SCLT1: variants seen among roughly 807,000 people sequenced by gnomAD.
SCLT1 encodes the protein sodium channel and clathrin linker 1.
A neutral mutation model predicts 112.8 loss-of-function variants in SCLT1; 78 were observed. That is an observed-to-expected ratio of 0.69 (90% CI 0.58 to 0.83). SCLT1 has a LOEUF of 0.83. Ranked by LOEUF, SCLT1 falls within the 40% of genes least tolerant of loss-of-function variation. SCLT1 has a pLI of 0.00. For synonymous variants in SCLT1, 257 were observed against 254.7 expected (o/e 1.01, Z -0.09); for missense variants, 747 against 770.4 (o/e 0.97, Z 0.36).
chr4:129,090,742 A>C (rs754797588), intron 1 of SCLT1, among the ~76,000 whole-genome samples: 2 of 152,174 alleles, frequency 1.3e-5, no homozygotes, highest in Admixed American at 6.5e-5. Flanking sequence ...TAATGCAAGT[A>C]CCTCTTTGAA....
chr4:128,916,591 A>C (rs117329883), intron 18 of SCLT1, among the ~76,000 whole-genome samples: 3 of 152,238 alleles, frequency 2.0e-5, no homozygotes, highest in Non-Finnish European at 2.9e-5. Flanking sequence ...CAGGCAGTCC[A>C]TCATTAAGGA....
intron 2 of SCLT1, among the ~76,000 whole-genome samples, chr4:129,061,788 G>T (rs1750000453): frequency 6.6e-6 from 1 of 152,102 alleles, no homozygotes; most frequent in Non-Finnish European, 1.5e-5. Context: ...CTGAAAAGCT[G>T]CTTAGCCTCA....
At chr4:129,034,973 C>T (rs1012536887) in intron 5 of SCLT1, among the ~76,000 whole-genome samples, 1 of 152,116 alleles carries the variant, frequency 6.6e-6, no homozygotes, top group Non-Finnish European at 1.5e-5. Flanking sequence ...AGTAATAAAA[C>T]ACCCAACAAA....
intron 17 of SCLT1, among the ~76,000 whole-genome samples, chr4:128,937,770 A>C (rs192867198): frequency 1.3e-5 from 2 of 152,328 alleles, no homozygotes; most frequent in African/African-American, 4.8e-5. Flanking sequence ...TCATTATAGT[A>C]AAAGCACTTT....
At chr4:128,944,846 A>G (rs1013482786) in intron 16 of SCLT1, 1 of 152,184 alleles carries the variant, frequency 6.6e-6, no homozygotes, top group African/African-American at 2.4e-5. Flanking sequence ...AAAAGAATGC[A>G]TGGGAGCCTT....
intron 18 of SCLT1, among the ~76,000 whole-genome samples, chr4:128,893,208 C>G (rs1733464909): frequency 6.6e-6 from 1 of 152,124 alleles, no homozygotes; most frequent in South Asian, 2.1e-4. Context: ...TATTCACTTA[C>G]TTACTCAAGA....
At chr4:129,025,936 A>G (rs1254265100) in intron 5 of SCLT1, among the ~76,000 whole-genome samples, 2 of 152,150 alleles carry the variant, frequency 1.3e-5, no homozygotes, top group African/African-American at 4.8e-5. Flanking sequence ...ACCAACAAAG[A>G]TCAAAAGAGA....
intron 5 of SCLT1, among the ~76,000 whole-genome samples, chr4:129,018,816 A>C (rs1745209387): frequency 6.6e-6 from 1 of 152,164 alleles, no homozygotes; most frequent in Admixed American, 6.5e-5. Flanking sequence ...ACTAAGTTAG[A>C]AGGTAAGGGA....
intron 8 of SCLT1, among the ~76,000 whole-genome samples, chr4:128,993,396 C>A (rs937998909): frequency 1.3e-5 from 2 of 152,004 alleles, no homozygotes; most frequent in Non-Finnish European, 1.5e-5. Context: ...TATATACTGC[C>A]TTGGCACTAG....
At chr4:128,927,694 A>C (rs917616884) in intron 18 of SCLT1, among the ~76,000 whole-genome samples, 1 of 152,062 alleles carries the variant, frequency 6.6e-6, no homozygotes, top group Admixed American at 6.6e-5. Context: ...CATTAGGTGA[A>C]AATTTGAGCC....
At chr4:129,048,690 G>A (rs1449702466) in intron 2 of SCLT1, among the ~76,000 whole-genome samples, 1 of 152,064 alleles carries the variant, frequency 6.6e-6, no homozygotes, top group African/African-American at 2.4e-5. Context: ...CAGTGAACAG[G>A]CAACCTACAA....
chr4:128,952,595 A>T (rs1235436158), intron 14 of SCLT1, 174 bp downstream of exon 14: 1 of 613,660 alleles, frequency 1.6e-6, no homozygotes, highest in Non-Finnish European at 2.9e-6. Flanking sequence ...CTGCTAGAAC[A>T]TAAGCCACAA....
chr4:128,961,377 T>C (rs960707209), intron 11 of SCLT1, among the ~76,000 whole-genome samples: 2 of 152,196 alleles, frequency 1.3e-5, no homozygotes, highest in Non-Finnish European at 2.9e-5. Context: ...ATATCATATA[T>C]GCAAATATCA....
In SCLT1 at chr4:128,884,509, C is replaced by A; in HGVS notation, c.2035G>T (p.Ala679Ser). The A allele has an allele frequency of 6.2e-7, 1 of 1,605,100 alleles. No homozygotes were observed. Among genetic ancestry groups the A allele is most frequent in the Non-Finnish European group, 8.5e-7 (1 of 1,172,738 alleles). The change falls in exon 21 of 21, where the codon GCA becomes TCA. Residue 679 changes from alanine (A) to serine (S), a missense_variant. By Grantham distance (99) the Ala-to-Ser change is moderately conservative (BLOSUM62 1). This residue lies in a region of SCLT1 where 24 missense variants were observed against 49.1 expected (regional missense o/e 0.49). Transcript: ENST00000281142. Reference protein sequence around the residue: ...LSVITVQRRKAASLMNLENI With the variant: ...LSVITVQRRKSASLMNLENI Reference sequence around the variant, plus strand: ...TTTTCCAGATTCATCAGGGAGGCTGCTTTTCTTCTCTGCACTGTAATCACA... The same window carrying A: ...TTTTCCAGATTCATCAGGGAGGCTGATTTTCTTCTCTGCACTGTAATCACA...
chr4:129,084,382 A>G (rs1317842910), intron 1 of SCLT1, among the ~76,000 whole-genome samples: 1 of 152,230 alleles, frequency 6.6e-6, no homozygotes, highest in Non-Finnish European at 1.5e-5. Flanking sequence ...ATTTCTAGAT[A>G]CTGGCAGCAT....
At chr4:128,908,470 G>A (rs1311028259) in intron 18 of SCLT1, among the ~76,000 whole-genome samples, 1 of 151,312 alleles carries the variant, frequency 6.6e-6, no homozygotes, top group Non-Finnish European at 1.5e-5. Flanking sequence ...ACAAAGTGAA[G>A]AGAATGCCTT....
chr4:129,051,210 T>C (rs973044925), intron 2 of SCLT1, among the ~76,000 whole-genome samples: 3 of 152,024 alleles, frequency 2.0e-5, no homozygotes, highest in Non-Finnish European at 4.4e-5. Flanking sequence ...CTATACAGGC[T>C]CTTTTTTGGT....
chr4:129,084,855 A>G (rs1283004681), intron 1 of SCLT1, among the ~76,000 whole-genome samples: 1 of 152,188 alleles, frequency 6.6e-6, no homozygotes, highest in Non-Finnish European at 1.5e-5. Context: ...TGCTTACACA[A>G]TATATAAATA....
In SCLT1 at chr4:128,891,080, C is replaced by T. The variant is rs1211437059; in HGVS notation, c.1887G>A (p.Met629Ile). 1.2e-6 allele frequency: 2 copies of T among 1,612,770 alleles called. No individual in the cohort carries two copies. The highest frequency in any genetic ancestry group is 2.7e-5 in the African/African-American group (2 of 74,876). The change falls in exon 19 of 21, where the codon ATG becomes ATA. Residue 629 changes from methionine to isoleucine, a missense_variant. By Grantham distance (10) the Met-to-Ile change is conservative. Transcript: ENST00000281142. ...TCACCTCAGCTACCTTTTCATTTGCCATTTCCAGCTGAGAAAGCAGCTCTT... is the reference window on the plus strand; with the variant it reads ...TCACCTCAGCTACCTTTTCATTTGCTATTTCCAGCTGAGAAAGCAGCTCTT... ...HTQELLSQLEMANEKVAENEK... is the reference protein window; with the variant it reads ...HTQELLSQLEIANEKVAENEK...
Sources: gnomAD v4.1 joint callset for allele counts (sites outside exome capture counted in the v4.1 genomes callset) on GRCh38, gnomAD v4.1.1 for gene constraint, gnomAD v4.1.1 regional missense constraint, MANE v1.5 for transcripts, NCBI Gene and HGNC (gene_info 2026-07-23, HGNC 2026-07-21) for gene names.